The following SPAG9 variants were observed in gnomAD, a reference collection of about 807,000 sequenced individuals.
The protein encoded by SPAG9 is sperm associated antigen 9.
In SPAG9, 35 loss-of-function variants were observed where a neutral mutation model predicts 166.5. The observed-to-expected ratio is 0.21, with a 90% CI of 0.16 to 0.28. SPAG9 has a LOEUF of 0.28. SPAG9 is among the 10% of genes least tolerant of loss of function. The pLI is 1.00. For synonymous variants in SPAG9, 534 were observed against 565.5 expected (o/e 0.94, Z 0.79); for missense variants, 1,235 against 1,603.3 (o/e 0.77, Z 3.92).
chr17:51,120,858 C>T lies in SPAG9; in HGVS notation c.-202G>A. The T allele has an allele frequency of 3.2e-6, 1 of 311,324 alleles. No individual in the cohort carries two copies. The highest frequency in any genetic ancestry group is 5.8e-6 in the Non-Finnish European group (1 of 171,956). 19.3% of individuals were successfully genotyped at this position (311,324 alleles called of 1,614,324 possible). ...GGCGCTCTCACCCCAACCGCCGCTG[C>T]ACCAACTGCCGGGGCGGCCCGGCCG... On this transcript the variant is annotated 5_prime_UTR_variant, in exon 1 of 30. Coordinates refer to ENST00000262013, the MANE Select transcript of SPAG9 (RefSeq NM_001130528.3). The surrounding 1 kb of genome is among the most constrained non-coding windows in gnomAD (Gnocchi z 4.7).
intron 2 of SPAG9, among the ~76,000 whole-genome samples, chr17:51,078,430 T>C (rs1016758205): frequency 6.6e-6 from 1 of 152,290 alleles, no homozygotes; most frequent in African/African-American, 2.4e-5. Flanking sequence ...AGGCATTCCA[T>C]CATGAATGGC....
chr17:51,031,828 T>C, intron 5 of SPAG9, 106 bp from the exon 6 acceptor site: 1 of 811,812 alleles, frequency 1.2e-6, no homozygotes, highest in Non-Finnish European at 2.1e-6. Flanking sequence ...AAGATTCATC[T>C]ATTATCTACT....
chr17:51,027,339 C>T (rs2046221949), intron 6 of SPAG9, among the ~76,000 whole-genome samples: 1 of 151,136 alleles, frequency 6.6e-6, no homozygotes, highest in Non-Finnish European at 1.5e-5. Context: ...GGCTGAGGCA[C>T]GAGAATCACT....
At chr17:50,996,493 C>T (rs72842247) in intron 16 of SPAG9, 72 bp downstream of exon 16, 15,762 of 1,561,108 alleles carry the variant, frequency 0.01, 113 homozygotes, top group Non-Finnish European at 0.012. Flanking sequence ...TACAGTGAAT[C>T]CTTCATGCCC....
intron 2 of SPAG9, among the ~76,000 whole-genome samples, chr17:51,066,709 T>G (rs977100773): frequency 6.6e-6 from 1 of 151,366 alleles, no homozygotes; most frequent in African/African-American, 2.4e-5. Context: ...CTGGCCAACA[T>G]GGTGAAACCC....
intron 2 of SPAG9, among the ~76,000 whole-genome samples, chr17:51,070,372 C>A (rs2047790678): frequency 6.6e-6 from 1 of 152,124 alleles, no homozygotes; most frequent in African/African-American, 2.4e-5. Flanking sequence ...TACTACTAAC[C>A]CTTACTTCTC....
chr17:50,995,868 T>C, intron 16 of SPAG9: 1 of 196,230 alleles, frequency 5.1e-6, no homozygotes, highest in Non-Finnish European at 1.0e-5. Flanking sequence ...TCATGCTATG[T>C]TGCCTAGGCT....
At chr17:50,986,452 T>C (rs1340605285) in intron 22 of SPAG9, among the ~76,000 whole-genome samples, 1 of 152,246 alleles carries the variant, frequency 6.6e-6, no homozygotes, top group Non-Finnish European at 1.5e-5. Flanking sequence ...GTTTACATCA[T>C]ACATAACAGT....
At position 51,007,257 on chromosome 17, in the gene SPAG9, A is replaced by C. The variant is rs758284233; in HGVS notation, c.1271+12T>G. The C allele has an allele frequency of 6.7e-7, 1 of 1,485,214 alleles. No individual in the cohort carries two copies. Among genetic ancestry groups the C allele is most frequent in the Non-Finnish European group, 9.3e-7 (1 of 1,074,230 alleles). 92.0% of individuals were successfully genotyped at this position (1,485,214 alleles called of 1,614,324 possible). ...ATTCTTTATCTTCTGTTAAAATTTCACATATACTTACTTGGTTTCCAACAG... is the reference window on the plus strand; with the variant it reads ...ATTCTTTATCTTCTGTTAAAATTTCCCATATACTTACTTGGTTTCCAACAG... On this transcript the variant is annotated intron_variant, in intron 10 of 29. Transcript: ENST00000262013.
chr17:51,096,804 A>C (rs76697356), intron 1 of SPAG9, among the ~76,000 whole-genome samples: 1 of 152,244 alleles, frequency 6.6e-6, no homozygotes, highest in Non-Finnish European at 1.5e-5. Flanking sequence ...TAACAGTGTG[A>C]TATCGTGAAA....
chr17:51,095,896 C>T (rs1267896478), intron 1 of SPAG9, among the ~76,000 whole-genome samples: 3 of 135,260 alleles, frequency 2.2e-5, no homozygotes, highest in South Asian at 2.3e-4. Flanking sequence ...GTGATATATA[C>T]AGTGATATAT....
At chr17:50,993,160 C>A (rs1204653083) in intron 19 of SPAG9, among the ~76,000 whole-genome samples, 1 of 143,926 alleles carries the variant, frequency 6.9e-6, no homozygotes, top group African/African-American at 2.6e-5. Flanking sequence ...AGTAAAAATG[C>A]AAACAATTAG....
At chr17:51,095,992 G>GATATATATAGTGAT (rs2048626557) in intron 1 of SPAG9, among the ~76,000 whole-genome samples, 3 of 75,188 alleles carry the variant, frequency 4.0e-5, no homozygotes, top group Middle Eastern at 7.7e-3. Flanking sequence ...TATATATAGT[G>GATATATATAGTGAT]ATATATATAT....
chr17:51,082,834 C>A (rs73988516), intron 1 of SPAG9, among the ~76,000 whole-genome samples: 5 of 152,040 alleles, frequency 3.3e-5, no homozygotes, highest in Non-Finnish European at 7.4e-5. Context: ...TGTCTACACA[C>A]ATTACGTTCC....
chr17:50,970,870 A>G lies in SPAG9; in HGVS notation c.3701-14T>C. 7 of 1,609,514 alleles carry G rather than the reference A, an allele frequency of 4.3e-6. No individual in the cohort carries two copies. Among genetic ancestry groups the G allele is most frequent in the Non-Finnish European group, 5.9e-6 (7 of 1,177,328 alleles). On this transcript the variant is annotated splice_polypyrimidine_tract_variant and intron_variant, in intron 28 of 29. Coordinates refer to ENST00000262013, the MANE Select transcript of SPAG9 (RefSeq NM_001130528.3). ...TGATGACTTGACCTGTTTTATACAG[A>G]AACAAAAGTGAATATTACTTATCAC...
rs762221954 is a variant in SPAG9, at chr17:50,962,347, T to A, written c.*3925A>T. 1 of 152,194 alleles carries A rather than the reference T, an allele frequency of 6.6e-6. No individual in the cohort carries two copies. Among genetic ancestry groups the A allele is most frequent in the Non-Finnish European group, 1.5e-5 (1 of 68,036 alleles). 9.4% of individuals were successfully genotyped at this position (152,194 alleles called of 1,614,324 possible). ...AGCAAGTGGGACATTCTAGAACCCATTTTTCAGATTATAGAGGCAAGTAAA... is the reference window on the plus strand; with the variant it reads ...AGCAAGTGGGACATTCTAGAACCCAATTTTCAGATTATAGAGGCAAGTAAA... On this transcript the variant is annotated 3_prime_UTR_variant, in exon 30 of 30. Transcript: ENST00000262013.
chr17:50,994,585 C>T (rs182098436), intron 18 of SPAG9, among the ~76,000 whole-genome samples: 1 of 152,196 alleles, frequency 6.6e-6, no homozygotes, highest in Non-Finnish European at 1.5e-5. Flanking sequence ...ACCCTCGTCT[C>T]TACAAAAAAT....
intron 20 of SPAG9, 160 bp downstream of exon 20, chr17:50,990,290 A>C (rs926144252): frequency 8.0e-6 from 5 of 627,010 alleles, no homozygotes; most frequent in Non-Finnish European, 1.1e-5. Flanking sequence ...GGCCTCCCAG[A>C]GTGCTGGGAT....
At chr17:50,991,944 TTTTTTTTTA>T (rs1229245098) in intron 19 of SPAG9, among the ~76,000 whole-genome samples, 26 of 138,198 alleles carry the variant, frequency 1.9e-4, no homozygotes, top group Admixed American at 6.4e-4. Context: ...TTTTTTTTTT[TTTTTTTTTA>T]AAACACAGGG....
Sources: gnomAD v4.1 joint callset for allele counts (sites outside exome capture counted in the v4.1 genomes callset) on GRCh38, gnomAD v4.1.1 for gene constraint, Gnocchi (gnomAD v3.1) non-coding constraint, MANE v1.5 for transcripts, NCBI Gene and HGNC (gene_info 2026-07-23, HGNC 2026-07-21) for gene names.